RAP1GAP2: variants seen among roughly 807,000 people sequenced by gnomAD.
RAP1GAP2 encodes the protein rap1 GTPase-activating protein 2.
In RAP1GAP2, 27 loss-of-function variants were observed where a neutral mutation model predicts 95.0. The observed-to-expected ratio is 0.28, with a 90% CI of 0.21 to 0.39. RAP1GAP2 has a LOEUF of 0.39. Ranked by LOEUF, RAP1GAP2 falls within the 10% of genes least tolerant of loss-of-function variation. The probability of loss-of-function intolerance (pLI) is 1.00; values close to 1 mark genes in which losing one functional copy is unlikely to be tolerated. For synonymous variants in RAP1GAP2, 373 were observed against 380.9 expected, an observed-to-expected ratio of 0.98 and a Z score of 0.24; for missense variants, 771 against 970.0, an observed-to-expected ratio of 0.79 and a Z score of 2.72.
At chr17:2,787,004 G>T (rs1472737621) in intron 1 of RAP1GAP2, among the ~76,000 whole-genome samples, 1 of 133,640 alleles carries the variant, frequency 7.5e-6, no homozygotes, top group African/African-American at 2.8e-5. Flanking sequence ...AGGCTGGTGC[G>T]CAGGGGCGCG....
intron 2 of RAP1GAP2, among the ~76,000 whole-genome samples, chr17:2,891,287 A>G (rs1301032795): frequency 1.3e-5 from 2 of 151,874 alleles, no homozygotes; most frequent in Non-Finnish European, 2.9e-5. Context: ...AGCTGGGACC[A>G]TGGGTGCTTG....
chr17:2,990,161 C>A (rs528031798), intron 11 of RAP1GAP2, among the ~76,000 whole-genome samples: 1 of 152,342 alleles, frequency 6.6e-6, no homozygotes, highest in East Asian at 1.9e-4. Flanking sequence ...TGGGTTCTTT[C>A]TCCTTTTGGG....
At position 2,943,002 on chromosome 17, in the gene RAP1GAP2, CAA is replaced by C. The variant is rs2043560382; in HGVS notation, c.166-14756_166-14755del. 3.9e-5 allele frequency among the ~76,000 whole-genome samples: 6 copies of C among 152,084 alleles called. No homozygotes were observed. In the South Asian group the frequency reaches 1.3e-3, roughly 32 times the overall value. On this transcript the variant is annotated intron_variant, in intron 3 of 24. Coordinates refer to ENST00000254695, the MANE Select transcript of RAP1GAP2 (RefSeq NM_015085.5). ...CAGGCTGGTCTTGAACTCCTGACCT[CAA>C]GTGATCTGCCCGCCTTGGCCACCCA... is the stretch of plus-strand genomic sequence containing the variant.
chr17:2,977,284 T>A (rs141972451), intron 8 of RAP1GAP2, among the ~76,000 whole-genome samples: 257 of 152,278 alleles, frequency 1.7e-3, no homozygotes, highest in Middle Eastern at 6.8e-3. Flanking sequence ...CATATAAATT[T>A]CCAAAATTGA....
At chr17:2,762,042 A>G (rs1297155446) in intron 1 of RAP1GAP2, among the ~76,000 whole-genome samples, 1 of 127,158 alleles carries the variant, frequency 7.9e-6, no homozygotes, top group Non-Finnish European at 1.5e-5. Flanking sequence ...ATGCTGGAGC[A>G]CAGTGGTGCA....
At chr17:2,997,237 G>A (rs2045991373) in intron 13 of RAP1GAP2, among the ~76,000 whole-genome samples, 1 of 152,148 alleles carries the variant, frequency 6.6e-6, no homozygotes, top group Non-Finnish European at 1.5e-5. Flanking sequence ...TGGGTGAGCA[G>A]TGCTGTCATG....
At chr17:2,932,214 G>A (rs952890906) in intron 3 of RAP1GAP2, among the ~76,000 whole-genome samples, 13 of 152,184 alleles carry the variant, frequency 8.5e-5, no homozygotes, top group African/African-American at 3.1e-4. Flanking sequence ...ATGGGACGCT[G>A]TGTTTTCCTC....
intron 10 of RAP1GAP2, among the ~76,000 whole-genome samples, chr17:2,984,576 C>T (rs533177739): frequency 4.6e-5 from 7 of 152,258 alleles, no homozygotes; most frequent in South Asian, 4.1e-4. Flanking sequence ...GTGACTTGCT[C>T]GGACTCATGC....
At chr17:2,917,633 G>T (rs1202328832) in intron 3 of RAP1GAP2, among the ~76,000 whole-genome samples, 1 of 152,118 alleles carries the variant, frequency 6.6e-6, no homozygotes, top group Non-Finnish European at 1.5e-5. Flanking sequence ...TCAAACTCCA[G>T]ATCTCAGGTG....
chr17:2,941,339 C>T lies in RAP1GAP2; in HGVS notation c.166-16420C>T, dbSNP rs181621888. ...ATCGCTTGAACCCAGGAGGTGGAAG[C>T]GGAGGTTGTGGTGAGCTGAGATTGT... On this transcript the variant is annotated intron_variant, in intron 3 of 24. Coordinates refer to ENST00000254695, the MANE Select transcript of RAP1GAP2 (RefSeq NM_015085.5). Among the ~76,000 whole-genome samples, 26 of 151,998 alleles carry T rather than the reference C, an allele frequency of 1.7e-4. No individual in the cohort carries two copies. The East Asian group carries it at 2.3e-3, about 14-fold the overall frequency.
intron 3 of RAP1GAP2, among the ~76,000 whole-genome samples, chr17:2,921,565 G>A (rs911849776): frequency 2.6e-5 from 4 of 152,158 alleles, no homozygotes; most frequent in South Asian, 2.1e-4. Flanking sequence ...CAGCAGGGCC[G>A]TTAAAGTGTC....
rs1259210612 is a variant in RAP1GAP2, at chr17:2,800,405, G to A, written c.45-110G>A. On this transcript the variant is annotated intron_variant, in intron 1 of 24. Coordinates refer to ENST00000254695, the MANE Select transcript of RAP1GAP2 (RefSeq NM_015085.5). ...TGGCCCCTTTAGCCAGTCCCTGACA[G>A]AGCCCTGCTGTCTGGTGGTTTGGGC... 1.1e-5 allele frequency: 16 copies of A among 1,416,454 alleles called. No homozygotes were observed. The African/African-American group carries it at 2.1e-4, about 19-fold the overall frequency. 87.7% of individuals were successfully genotyped at this position (1,416,454 alleles called of 1,614,324 possible).
intron 2 of RAP1GAP2, among the ~76,000 whole-genome samples, chr17:2,816,236 G>GT (rs771052650): frequency 0.044 from 6,327 of 145,108 alleles, 169 homozygotes; most frequent in Non-Finnish European, 0.065. Context: ...GTTTTGTTTT[G>GT]TTTTTTTTTT....
At chr17:3,011,181 G>A (rs927596813) in intron 17 of RAP1GAP2, among the ~76,000 whole-genome samples, 2 of 152,180 alleles carry the variant, frequency 1.3e-5, no homozygotes, top group African/African-American at 4.8e-5. Context: ...GCCCACCTCA[G>A]CCTCACAAAG....
chr17:2,782,917 T>C (rs1567644727), intron 1 of RAP1GAP2, among the ~76,000 whole-genome samples: 2 of 152,192 alleles, frequency 1.3e-5, no homozygotes, highest in African/African-American at 4.8e-5. Context: ...CTTTGGAGGC[T>C]GAGGCAGGAG....
At position 2,943,313 on chromosome 17, in the gene RAP1GAP2, G is replaced by A. The variant is rs2043574142; in HGVS notation, c.166-14446G>A. On this transcript the variant is annotated intron_variant, in intron 3 of 24. Transcript: ENST00000254695. ...TTGCAAACCATATATCAGATAAGGG[G>A]TCAGTTTTTAAAATGTATAAGGAAC... Among the ~76,000 whole-genome samples the A allele has an allele frequency of 2.0e-5, 3 of 152,294 alleles. No homozygotes were observed. In the South Asian group the frequency reaches 6.2e-4, roughly 32 times the overall value.
intron 2 of RAP1GAP2, among the ~76,000 whole-genome samples, chr17:2,815,133 T>TGGGTGG (rs1299738995): frequency 6.6e-6 from 1 of 152,122 alleles, no homozygotes; most frequent in Non-Finnish European, 1.5e-5. Flanking sequence ...CTCATCAGCC[T>TGGGTGG]GGGTGGGGCC....
intron 22 of RAP1GAP2, among the ~76,000 whole-genome samples, chr17:3,030,581 T>A (rs987451462): frequency 6.6e-6 from 1 of 152,172 alleles, no homozygotes; most frequent in African/African-American, 2.4e-5. Context: ...TTCTACCACA[T>A]GGATACAATA....
chr17:3,010,336 CAA>C lies in RAP1GAP2; in HGVS notation c.1494+2214_1494+2215del, dbSNP rs1179623628. 9.5e-3 allele frequency among the ~76,000 whole-genome samples: 669 copies of C among 70,244 alleles called. 7 individuals are homozygous for C. Among genetic ancestry groups the C allele is most frequent in the African/African-American group, 0.033 (596 of 18,248 alleles). 46.1% of individuals were successfully genotyped at this position (70,244 alleles called of 152,430 possible). A position where few individuals can be genotyped will look rare whatever the true frequency, so the allele number is the denominator to read the frequency against. On this transcript the variant is annotated intron_variant, in intron 17 of 24. Transcript: ENST00000254695. Reference sequence around the variant, plus strand: ...GCCTGGAGACAGGGCGAGACTGTCTCAAAAAAAAAAAAAAAAAAAAAAAAGAA... The same window carrying C: ...GCCTGGAGACAGGGCGAGACTGTCTCAAAAAAAAAAAAAAAAAAAAAAGAA...
Sources: allele counts gnomAD v4.1 joint callset (sites outside exome capture counted in the v4.1 genomes callset), GRCh38; gene constraint gnomAD v4.1.1; transcripts MANE v1.5; gene names NCBI Gene and HGNC (gene_info 2026-07-23, HGNC 2026-07-21).